RGS5: variants seen among roughly 807,000 people sequenced by gnomAD.
RGS5 encodes the protein regulator of G-protein signalling 5.
A neutral mutation model predicts 18.9 loss-of-function variants in RGS5; 20 were observed. That is an observed-to-expected ratio of 1.06 (90% CI 0.74 to 1.54). The LOEUF is 1.54. RGS5 is among the 40% of genes most tolerant of loss of function. The pLI, the probability that RGS5 is intolerant of heterozygous loss-of-function variation, is 0.00. For missense variants in RGS5, 201 were observed against 211.8 expected (o/e 0.95, Z 0.32); for synonymous variants, 57 against 76.2 (o/e 0.75, Z 1.31).
At chr1:163,269,169 T>A (rs2101710658) in intron 2 of RGS5, among the ~76,000 whole-genome samples, 1 of 152,222 alleles carries the variant, frequency 6.6e-6, no homozygotes, top group Non-Finnish European at 1.5e-5. Context: ...CAACTGTTTG[T>A]GGGGCTATCT....
chr1:163,315,636 C>A (rs1313427454), intron 1 of RGS5, among the ~76,000 whole-genome samples: 1 of 152,076 alleles, frequency 6.6e-6, no homozygotes, highest in African/African-American at 2.4e-5. Context: ...TAGTTCCAAA[C>A]TAAGAATTCC....
chr1:163,254,640 A>T (rs1297622882), intron 2 of RGS5, among the ~76,000 whole-genome samples: 1 of 152,098 alleles, frequency 6.6e-6, no homozygotes. Flanking sequence ...GTGCAGAAGA[A>T]CTTTAGTTTA....
upstream of RGS5, chr1:163,203,118 G>A (rs572628880): frequency 1.4e-4 from 49 of 355,994 alleles, no homozygotes; most frequent in African/African-American, 9.9e-4. Context: ...ACACTCTCTT[G>A]CTAACCGGCC....
chr1:163,286,333 G>C (rs1357530286), intron 2 of RGS5, among the ~76,000 whole-genome samples: 3 of 152,036 alleles, frequency 2.0e-5, no homozygotes, highest in Non-Finnish European at 2.9e-5. Context: ...TCGGGGAGTA[G>C]GGAGTAGGGA....
chr1:163,212,285 T>C (rs1159588021), intron 1 of RGS5: 2 of 152,200 alleles, frequency 1.3e-5, no homozygotes, highest in African/African-American at 4.8e-5. Flanking sequence ...ATAGGGAACA[T>C]GTTTTATTTG....
intron 3 of RGS5, among the ~76,000 whole-genome samples, chr1:163,157,084 C>T (rs1363683889): frequency 1.3e-5 from 2 of 152,116 alleles, no homozygotes; most frequent in Non-Finnish European, 2.9e-5. Context: ...GATTCAGGCT[C>T]CTTCATTTCC....
intron 2 of RGS5, among the ~76,000 whole-genome samples, chr1:163,247,092 G>GT (rs1337629325): frequency 1.3e-5 from 2 of 151,520 alleles, no homozygotes; most frequent in Non-Finnish European, 2.9e-5. Flanking sequence ...AGGGTGAAAG[G>GT]TGGGAGAAGG....
chr1:163,233,970 G>T (rs979989938), intron 2 of RGS5, among the ~76,000 whole-genome samples: 1 of 152,120 alleles, frequency 6.6e-6, no homozygotes, highest in African/African-American at 2.4e-5. Flanking sequence ...GTTGCTTCAG[G>T]CCATCTGGAT....
chr1:163,273,070 T>G (rs1648762366), intron 2 of RGS5, among the ~76,000 whole-genome samples: 1 of 152,090 alleles, frequency 6.6e-6, no homozygotes, highest in Admixed American at 6.6e-5. Context: ...GATCTCCAAT[T>G]TAATTTTGTT....
chr1:163,151,316 G>T (rs1332603877), intron 4 of RGS5, among the ~76,000 whole-genome samples: 1 of 151,930 alleles, frequency 6.6e-6, no homozygotes, highest in African/African-American at 2.4e-5. Context: ...GTCCAAGTGG[G>T]GAAATAAAGG....
At chr1:163,201,285 A>G (rs1022370964) in intron 1 of RGS5, among the ~76,000 whole-genome samples, 5 of 152,120 alleles carry the variant, frequency 3.3e-5, no homozygotes, top group Admixed American at 2.0e-4. Context: ...CGTTTCTGGA[A>G]AGGCACAGAA....
intron 1 of RGS5, among the ~76,000 whole-genome samples, chr1:163,310,504 G>A (rs11584747): frequency 0.096 from 14,577 of 151,202 alleles, 970 homozygotes; most frequent in South Asian, 0.2. Flanking sequence ...GAACCCGGGA[G>A]GTGGAGCTTG....
chr1:163,158,269 C>T (rs1011581809), intron 3 of RGS5, among the ~76,000 whole-genome samples: 1 of 152,034 alleles, frequency 6.6e-6, no homozygotes, highest in Non-Finnish European at 1.5e-5. Flanking sequence ...TCTCTAGGAA[C>T]AGCCAGACAG....
chr1:163,242,137 T>C (rs1647806068), intron 2 of RGS5, among the ~76,000 whole-genome samples: 2 of 152,174 alleles, frequency 1.3e-5, no homozygotes, highest in South Asian at 4.1e-4. Context: ...GTCTTATAGA[T>C]GAGATCTATA....
At chr1:163,285,554 C>A (rs536507541) in intron 2 of RGS5, among the ~76,000 whole-genome samples, 64 of 148,912 alleles carry the variant, frequency 4.3e-4, no homozygotes, top group African/African-American at 1.4e-3. Flanking sequence ...AAAAACAAAA[C>A]AAAACAAAAC....
At chr1:163,270,417 G>A (rs889908850) in intron 2 of RGS5, among the ~76,000 whole-genome samples, 1 of 151,094 alleles carries the variant, frequency 6.6e-6, no homozygotes, top group Non-Finnish European at 1.5e-5. Context: ...TTACTTGGGA[G>A]GCTGAGGTGG....
intron 1 of RGS5, among the ~76,000 whole-genome samples, chr1:163,169,698 C>G (rs182966902): frequency 6.6e-6 from 1 of 152,192 alleles, no homozygotes; most frequent in African/African-American, 2.4e-5. Context: ...TACTGCCAGA[C>G]CTCAGTTCCC....
chr1:163,198,276 T>C (rs924645543), intron 1 of RGS5, among the ~76,000 whole-genome samples: 2 of 152,154 alleles, frequency 1.3e-5, no homozygotes, highest in Non-Finnish European at 2.9e-5. Context: ...ACCCTTGAGA[T>C]GGCCAAAAGC....
intron 1 of RGS5, among the ~76,000 whole-genome samples, chr1:163,317,702 T>C (rs1319985549): frequency 1.3e-5 from 2 of 152,214 alleles, no homozygotes; most frequent in Non-Finnish European, 2.9e-5. Context: ...GGTCCCTGTT[T>C]ACCTCTCCAC....
Sources: allele counts gnomAD v4.1 joint callset (sites outside exome capture counted in the v4.1 genomes callset), GRCh38; gene constraint gnomAD v4.1.1; transcripts MANE v1.5; gene names NCBI Gene and HGNC (gene_info 2026-07-23, HGNC 2026-07-21).